CHMP7: variants seen among roughly 807,000 people sequenced by gnomAD.
CHMP7 encodes the protein CHMP family, member 7.
A neutral mutation model predicts 53.7 loss-of-function variants in CHMP7; 15 were observed. The ratio of observed to expected loss-of-function variants is 0.28; its 90% CI spans 0.19 to 0.43. CHMP7 has a LOEUF of 0.43. Ranked by LOEUF, CHMP7 falls within the 20% of genes least tolerant of loss-of-function variation. The probability of loss-of-function intolerance (pLI) is 1.00; values close to 1 mark genes in which losing one functional copy is unlikely to be tolerated. For synonymous variants in CHMP7, 261 were observed against 228.0 expected, an observed-to-expected ratio of 1.14 and a Z score of -1.30; for missense variants, 527 against 569.4, an observed-to-expected ratio of 0.93 and a Z score of 0.76.
At chr8:23,248,160 G>T (rs769744112) in intron 2 of CHMP7, 1 of 456,268 alleles carries the variant, frequency 2.2e-6, no homozygotes, top group South Asian at 1.5e-5. Context: ...TTTCGTTCAT[G>T]CCTGAAGCAG....
chr8:23,246,676 T>C lies in CHMP7; in HGVS notation c.-20T>C. 1 of 1,543,972 alleles carries C rather than the reference T, an allele frequency of 6.5e-7. No individual in the cohort carries two copies. The highest frequency in any genetic ancestry group is 1.4e-5 in the African/African-American group (1 of 72,882). The stretch of plus-strand genomic sequence containing the variant: ...CAGGGCCAGGCTTGTGTTCGCAGCC[T>C]TGCCGGGGCTGGGGTTCCGATGTGG... On this transcript the variant is annotated 5_prime_UTR_variant, in exon 2 of 11. Transcript: ENST00000397677.
At position 23,258,055 on chromosome 8, in the gene CHMP7, G is replaced by T. The variant is rs754278872; in HGVS notation, c.814G>T (p.Ala272Ser). ...AERCKEEARRACRAGKKQLAL... is the reference protein window; with the variant it reads ...AERCKEEARRSCRAGKKQLAL... ...CAGGTGTAAAGAAGAAGCCCGCCGG[G>T]CATGCCGAGCAGGAAAGAAGCAGCT... Residue 272 changes from alanine (A) to serine (S), a missense_variant, in exon 6 of 11, where the codon GCA becomes TCA. Coordinates refer to ENST00000397677, the MANE Select transcript of CHMP7 (RefSeq NM_152272.5). 6.2e-7 allele frequency: 1 copy of T among 1,613,372 alleles called. No individual in the cohort carries two copies. The highest frequency in any genetic ancestry group is 8.5e-7 in the Non-Finnish European group (1 of 1,179,476).
At chr8:23,258,882 A>G (rs779460830) in intron 8 of CHMP7, 52 bp downstream of exon 8, 1 of 1,299,436 alleles carries the variant, frequency 7.7e-7, no homozygotes, top group South Asian at 1.2e-5. Context: ...GACAGAGGAC[A>G]GATTTGACTT....
chr8:23,247,049 G>A, intron 2 of CHMP7, 55 bp downstream of exon 2: 3 of 1,445,146 alleles, frequency 2.1e-6, no homozygotes, highest in Non-Finnish European at 2.7e-6. Flanking sequence ...AGCTCTCGGA[G>A]GGCCGGGCCC....
rs1195036665 is a variant in CHMP7, at chr8:23,261,374, C to T, written c.*775C>T. On this transcript the variant is annotated 3_prime_UTR_variant, in exon 11 of 11. Transcript: ENST00000397677. ...TACAGGACCCTGAGATGTCCAGACC[C>T]CTTATGCAAAGAGGCAAAATTGTTG... 1 of 152,396 alleles carries T rather than the reference C, an allele frequency of 6.6e-6. No individual in the cohort carries two copies. The highest frequency in any genetic ancestry group is 1.9e-4 in the East Asian group (1 of 5,188). The allele number at this position is 152,396 out of a possible 1,614,324, so 9.4% of individuals were successfully genotyped here. A position where few individuals can be genotyped will look rare whatever the true frequency, so the allele number is the denominator to read the frequency against.
intron 3 of CHMP7, among the ~76,000 whole-genome samples, chr8:23,252,726 C>T (rs1055425727): frequency 1.3e-5 from 2 of 152,212 alleles, no homozygotes; most frequent in African/African-American, 4.8e-5. Context: ...TCAAGCTTAA[C>T]TTATTACTTT....
In CHMP7 at chr8:23,246,957, C is replaced by G. The variant is rs1585302209; in HGVS notation, c.262C>G (p.Pro88Ala). 6.5e-7 allele frequency: 1 copy of G among 1,548,416 alleles called. No homozygotes were observed. Among genetic ancestry groups the G allele is most frequent in the East Asian group, 2.4e-5 (1 of 41,752 alleles). ...GGCCTTTCAGCGCAAGGGGAGCGTC[C>G]CGCTGGGGCTGGCCACGGTGCTGCA... ...QEAFQRKGSV[P>A]LGLATVLQDL... The change falls in exon 2 of 11, where the codon CCG (proline) becomes GCG (alanine). Residue 88 changes from proline to alanine, a missense_variant. Physicochemically the swap from Pro to Ala is conservative, Grantham distance 27. Transcript: ENST00000397677.
intron 3 of CHMP7, among the ~76,000 whole-genome samples, chr8:23,250,916 G>C (rs1031622667): frequency 6.6e-6 from 1 of 152,150 alleles, no homozygotes; most frequent in African/African-American, 2.4e-5. Flanking sequence ...TCCCAGGATT[G>C]TTGACTAAGC....
At chr8:23,247,096 C>T (rs1801729951) in intron 2 of CHMP7, 102 bp downstream of exon 2, 2 of 1,211,064 alleles carry the variant, frequency 1.7e-6, no homozygotes, top group Admixed American at 6.2e-5. Context: ...GCGCCCAGCC[C>T]AGTGTCTGGC....
In CHMP7 at chr8:23,246,870, T is replaced by G; in HGVS notation, c.175T>G (p.Leu59Val). ...CAGCAAGATGGGCTTCTGGGCGCCGTTGGTGCTGAGCCACAGCCGCCGCCA... is the reference window on the plus strand; with the variant it reads ...CAGCAAGATGGGCTTCTGGGCGCCGGTGGTGCTGAGCCACAGCCGCCGCCA... ...WDSKMGFWAP[L>V]VLSHSRRQGV... Residue 59 changes from leucine to valine, a missense_variant, in exon 2 of 11, where the codon TTG (leucine) becomes GTG (valine). Transcript: ENST00000397677. 1 of 1,593,556 alleles carries G rather than the reference T, an allele frequency of 6.3e-7. No individual in the cohort carries two copies. Among genetic ancestry groups the G allele is most frequent in the Non-Finnish European group, 8.5e-7 (1 of 1,170,892 alleles).
chr8:23,260,962 A>T lies in CHMP7; in HGVS notation c.*363A>T. On this transcript the variant is annotated 3_prime_UTR_variant, in exon 11 of 11. Transcript: ENST00000397677. ...AGGGGAAAGATTTGCAGCTTTGCCA[A>T]ATCTGAATCAGTTCCCACTCCCCCC... 3.4e-6 allele frequency: 1 copy of T among 294,174 alleles called. No individual in the cohort carries two copies. The highest frequency in any genetic ancestry group is 6.4e-6 in the Non-Finnish European group (1 of 156,902). The allele number at this position is 294,174 out of a possible 1,614,324, so 18.2% of individuals were successfully genotyped here. A position where few individuals can be genotyped will look rare whatever the true frequency, so the allele number is the denominator to read the frequency against.
In CHMP7 at chr8:23,260,527, T is replaced by C. The variant is rs1585319699; in HGVS notation, c.1301-11T>C. 2 of 1,613,682 alleles carry C rather than the reference T, an allele frequency of 1.2e-6. No individual in the cohort carries two copies. Among genetic ancestry groups the C allele is most frequent in the South Asian group, 2.2e-5 (2 of 91,074 alleles). On this transcript the variant is annotated splice_polypyrimidine_tract_variant and intron_variant, in intron 10 of 10. Transcript: ENST00000397677. ...CCTGTTATAGTGTTCAGTCATTTCT[T>C]TGCCTTGCAGGTTTGGTCCCAAGCA...
chr8:23,258,363 G>C lies in CHMP7; in HGVS notation c.874G>C (p.Glu292Gln). Residue 292 changes from glutamate (E) to glutamine (Q), a missense_variant, in exon 7 of 11, where the codon GAG (glutamate) becomes CAG (glutamine). Physicochemically the swap from Glu to Gln is conservative, Grantham distance 29. Transcript: ENST00000397677. ...GTCTCTCAAGGCCAAGCAACGGACA[G>C]AGAAGCGCATCGAGGCCTTGCATGC... ...LRSLKAKQRTEKRIEALHAKL... is the reference protein window; with the variant it reads ...LRSLKAKQRTQKRIEALHAKL... 6.2e-7 allele frequency: 1 copy of C among 1,614,196 alleles called. No individual in the cohort carries two copies. Among genetic ancestry groups the C allele is most frequent in the Non-Finnish European group, 8.5e-7 (1 of 1,180,042 alleles).
At chr8:23,258,913 GA>G (rs111259946) in intron 8 of CHMP7, 83 bp downstream of exon 8, 3 of 1,141,450 alleles carry the variant, frequency 2.6e-6, no homozygotes, top group South Asian at 2.5e-5. Context: ...CCTCTTTAAC[GA>G]AACCTGACTT....
chr8:23,258,122 G>C, intron 6 of CHMP7, 41 bp downstream of exon 6: 1 of 1,574,846 alleles, frequency 6.3e-7, no homozygotes. Context: ...AGTGCCCCAG[G>C]CAGGCCTGGA....
At chr8:23,260,461 C>G in intron 10 of CHMP7, 77 bp from the exon 11 acceptor site, 1 of 1,511,894 alleles carries the variant, frequency 6.6e-7, no homozygotes, top group South Asian at 1.1e-5. Context: ...TATTAAGACT[C>G]AGTCTCTTAA....
chr8:23,244,261 G>A (rs2128855782), intron 1 of CHMP7, among the ~76,000 whole-genome samples: 1 of 152,198 alleles, frequency 6.6e-6, no homozygotes, highest in South Asian at 2.1e-4. Flanking sequence ...TCTTCTAGGA[G>A]TTTTATTGTT....
chr8:23,256,383 C>T (rs1263310909), intron 4 of CHMP7, 77 bp from the exon 5 acceptor site: 7 of 960,890 alleles, frequency 7.3e-6, no homozygotes, highest in East Asian at 4.8e-5. Context: ...TTCTCACATG[C>T]CCACCACCAG....
At chr8:23,255,911 G>A (rs1409105099) in intron 4 of CHMP7, among the ~76,000 whole-genome samples, 4 of 152,020 alleles carry the variant, frequency 2.6e-5, no homozygotes, top group African/African-American at 7.2e-5. Context: ...ACAGGCATGC[G>A]CCACGGCCCC....
Sources: allele counts gnomAD v4.1 joint callset (sites outside exome capture counted in the v4.1 genomes callset), GRCh38; gene constraint gnomAD v4.1.1; transcripts MANE v1.5; gene names NCBI Gene and HGNC (gene_info 2026-07-23, HGNC 2026-07-21).